Variants in RAP1GAP observed in about 807,000 individuals in gnomAD.
The protein encoded by RAP1GAP is rap1 GTPase-activating protein 1.
Under a neutral mutation model 87.2 loss-of-function variants are expected in RAP1GAP, and 35 were observed. The ratio of observed to expected loss-of-function variants is 0.40; its 90% confidence interval spans 0.31 to 0.53. RAP1GAP has a LOEUF of 0.53. Among genes scored for constraint, RAP1GAP ranks in the 20% least tolerant of loss-of-function variants. The pLI, the probability that RAP1GAP is intolerant of heterozygous loss-of-function variation, is 0.48. For synonymous variants in RAP1GAP, 375 were observed against 363.9 expected (o/e 1.03, Z -0.35); for missense variants, 734 against 898.9 (o/e 0.82, Z 2.35).
chr1:21,603,223 G>A lies in RAP1GAP; in HGVS notation c.1429-310C>T, dbSNP rs983347458. 3.5e-5 allele frequency: 14 copies of A among 403,080 alleles called. No individual in the cohort carries two copies. Among genetic ancestry groups the A allele is most frequent in the Admixed American group, 1.6e-4 (4 of 24,376 alleles). 25.0% of individuals were successfully genotyped at this position (403,080 alleles called of 1,614,324 possible). On this transcript the variant is annotated intron_variant, in intron 18 of 24. Coordinates refer to ENST00000374765, the MANE Select transcript of RAP1GAP (RefSeq NM_002885.4). The surrounding 1 kb of genome is among the most constrained non-coding windows in gnomAD (Gnocchi z 6.0). ...GTCCTCAGAATGGCTACCGCTCCCC[G>A]CCCCCCAGGGCTCTGTGGGATCTGC... is the stretch of plus-strand genomic sequence containing the variant.
chr1:21,644,063 T>C (rs2095798153), intron 2 of RAP1GAP, among the ~76,000 whole-genome samples: 1 of 152,156 alleles, frequency 6.6e-6, no homozygotes, highest in Non-Finnish European at 1.5e-5. Context: ...GGGGACCCAT[T>C]TCTCAAGATC....
At chr1:21,598,122 C>A in intron 22 of RAP1GAP, 58 bp from the exon 23 acceptor site, 1 of 1,191,582 alleles carries the variant, frequency 8.4e-7, no homozygotes, top group Non-Finnish European at 1.2e-6. Flanking sequence ...ACCAGGGAGA[C>A]GGGGGCATAG....
In RAP1GAP at chr1:21,613,304, G is replaced by A. The variant is rs2079634567; in HGVS notation, c.475-75C>T. 7.4e-7 allele frequency: 1 copy of A among 1,355,274 alleles called. No individual in the cohort carries two copies. The highest frequency in any genetic ancestry group is 1.7e-5 in the Admixed American group (1 of 59,204). 84.0% of individuals were successfully genotyped at this position (1,355,274 alleles called of 1,614,324 possible). On this transcript the variant is annotated intron_variant, in intron 9 of 24. Transcript: ENST00000374765. This position sits in a 1 kb window ranked among gnomAD's most constrained non-coding sequence, Gnocchi z 4.7. The stretch of plus-strand genomic sequence containing the variant: ...AGGATGGGGCTGCCTGGGCCTCCCT[G>A]GTCAAGGTCTGGGGAGGAGCCATGC...
In RAP1GAP at chr1:21,603,937, C is replaced by CAG. The variant is rs375356232; in HGVS notation, c.1429-1026_1429-1025dup. On this transcript the variant is annotated intron_variant, in intron 18 of 24. Transcript: ENST00000374765. This position sits in a 1 kb window ranked among gnomAD's most constrained non-coding sequence, Gnocchi z 6.0. Reference sequence around the variant, plus strand: ...ACTGGCAAGCAGCAGAGGGCGGGGGCAGAGAGAGAGAGACAGAGAGAGAGT... The same window carrying CAG: ...ACTGGCAAGCAGCAGAGGGCGGGGGCAGAGAGAGAGAGAGACAGAGAGAGAGT... 56 of 1,474,106 alleles carry CAG rather than the reference C, an allele frequency of 3.8e-5. No individual in the cohort carries two copies. The highest frequency in any genetic ancestry group is 3.7e-4 in the South Asian group (28 of 75,442). 91.3% of individuals were successfully genotyped at this position (1,474,106 alleles called of 1,614,324 possible). A position where few individuals can be genotyped will look rare whatever the true frequency, so the allele number is the denominator to read the frequency against.
rs540707047 is a variant in RAP1GAP at position 21,608,729 on chromosome 1, C to T, written c.1158+121G>A. ...CCTACTCGTCCATCAATCCATCCAG[C>T]CCCAGGTGTCCCCGCTAAGGCCAAG... On this transcript the variant is annotated intron_variant, in intron 16 of 24. Coordinates refer to ENST00000374765, the MANE Select transcript of RAP1GAP (RefSeq NM_002885.4). 65 of 965,986 alleles carry T rather than the reference C, an allele frequency of 6.7e-5. No individual in the cohort carries two copies. In the East Asian group the frequency reaches 1.4e-3, roughly 21 times the overall value. 59.8% of individuals were successfully genotyped at this position (965,986 alleles called of 1,614,324 possible). A position where few individuals can be genotyped will look rare whatever the true frequency, so the allele number is the denominator to read the frequency against.
rs756293286 is a variant in RAP1GAP at position 21,626,395 on chromosome 1, C to T, written c.-110G>A. The T allele has an allele frequency of 4.3e-6, 7 of 1,610,960 alleles. No individual in the cohort carries two copies. The highest frequency in any genetic ancestry group is 4.2e-6 in the Non-Finnish European group (5 of 1,177,444). On this transcript the variant is annotated splice_region_variant and 5_prime_UTR_variant, in exon 3 of 25. Coordinates refer to ENST00000374765, the MANE Select transcript of RAP1GAP (RefSeq NM_002885.4). ...GAAGTGCTGGTTCTGCCCATCGCTC[C>T]TCCTGGAAGAGAAAGAGTCTGAGGT...
intron 24 of RAP1GAP, 39 bp downstream of exon 24, chr1:21,597,647 C>CGTG: frequency 6.6e-7 from 1 of 1,525,916 alleles, no homozygotes; most frequent in Non-Finnish European, 9.0e-7. Flanking sequence ...ACACCCCCAC[C>CGTG]CTCTCCCACC....
chr1:21,623,223 A>AT (rs2089978373), intron 3 of RAP1GAP, among the ~76,000 whole-genome samples: 1 of 152,144 alleles, frequency 6.6e-6, no homozygotes, highest in African/African-American at 2.4e-5. Flanking sequence ...ACCCAAGTAG[A>AT]TTTTGGGACA....
At position 21,653,988 on chromosome 1, in the gene RAP1GAP, G is replaced by A. The variant is rs3767125; in HGVS notation, c.-148-4192C>T. Among the ~76,000 whole-genome samples, 86 of 152,084 alleles carry A rather than the reference G, an allele frequency of 5.7e-4. 1 individual carries two copies. The East Asian group carries it at 9.6e-3, about 17-fold the overall frequency. On this transcript the variant is annotated intron_variant, in intron 1 of 24. Coordinates refer to ENST00000374765, the MANE Select transcript of RAP1GAP (RefSeq NM_002885.4). ...ACTGGGACAGTGGGCCCTTGAGAGG[G>A]GCCATGGGGGCTGAAGGGTTCCCAC...
At chr1:21,601,405 G>T (rs905658853) in intron 20 of RAP1GAP, among the ~76,000 whole-genome samples, 5 of 152,188 alleles carry the variant, frequency 3.3e-5, no homozygotes, top group African/African-American at 9.7e-5. Flanking sequence ...CCATGATCCG[G>T]CAACAGCCTA....
intron 2 of RAP1GAP, among the ~76,000 whole-genome samples, chr1:21,641,332 A>G (rs114179029): frequency 1.4e-3 from 216 of 152,080 alleles, no homozygotes; most frequent in African/African-American, 4.9e-3. Flanking sequence ...GGGGCGGGGG[A>G]AGGAGTCCTA....
At chr1:21,624,642 CCA>C (rs1374785602) in intron 3 of RAP1GAP, among the ~76,000 whole-genome samples, 2 of 152,086 alleles carry the variant, frequency 1.3e-5, no homozygotes, top group Non-Finnish European at 2.9e-5. Flanking sequence ...GGAGGATGGT[CCA>C]CAGACTCTTG....
intron 2 of RAP1GAP, among the ~76,000 whole-genome samples, chr1:21,633,254 C>T (rs1391266983): frequency 6.6e-6 from 1 of 152,168 alleles, no homozygotes; most frequent in African/African-American, 2.4e-5. Context: ...GTGGGTCCAG[C>T]CCCTGCTGAC....
rs577564364 is a variant in RAP1GAP at position 21,614,809 on chromosome 1, C to T, written c.292-720G>A. 7.9e-5 allele frequency among the ~76,000 whole-genome samples: 12 copies of T among 152,264 alleles called. No homozygotes were observed. The South Asian group carries it at 2.1e-3, about 26-fold the overall frequency. The stretch of plus-strand genomic sequence containing the variant: ...AGGGAGACACCACCCAGCCTGGCCC[C>T]GGGCTCCTCCTGCCAACCTCAGCCC... On this transcript the variant is annotated intron_variant, in intron 7 of 24. Coordinates refer to ENST00000374765, the MANE Select transcript of RAP1GAP (RefSeq NM_002885.4).
In RAP1GAP at chr1:21,613,675, G is replaced by C. The variant is rs547037229; in HGVS notation, c.427C>G (p.Pro143Ala). Residue 143 changes from proline (P) to alanine (A), a missense_variant, in exon 9 of 25, where the codon CCC becomes GCC. Around this residue, in one of 2 missense-constraint regions of RAP1GAP, gnomAD observed 485 missense variants for 646.2 expected, o/e 0.75. Transcript: ENST00000374765. This position sits in a 1 kb window ranked among gnomAD's most constrained non-coding sequence, Gnocchi z 4.7. ...GGGAACTCGGTGAGGCAGGAGATGG[G>C]GATGACATCATGGTATGTCCGGCAC... ...TKCRTYHDVI[P>A]ISCLTEFPNV... The C allele has an allele frequency of 1.9e-6, 3 of 1,613,624 alleles. No homozygotes were observed. In the South Asian group the frequency reaches 3.3e-5, roughly 18 times the overall value.
chr1:21,647,570 G>GCTCCC (rs2096182282), intron 2 of RAP1GAP, among the ~76,000 whole-genome samples: 1 of 152,194 alleles, frequency 6.6e-6, no homozygotes, highest in Non-Finnish European at 1.5e-5. Flanking sequence ...GTCAGCTCCC[G>GCTCCC]GAAATGCCCT....
In RAP1GAP at chr1:21,627,418, T is replaced by C. The variant is rs1462298861; in HGVS notation, c.-112-1021A>G. Among the ~76,000 whole-genome samples the C allele has an allele frequency of 3.3e-5, 5 of 150,234 alleles. No homozygotes were observed. In the East Asian group the frequency reaches 9.7e-4, roughly 29 times the overall value. On this transcript the variant is annotated intron_variant, in intron 2 of 24. Transcript: ENST00000374765. ...GTGAGCCTCCCTTCTTCTTTTTTTT[T>C]TTTTTTTTTTTTTATGACAGAGTTT... is the stretch of plus-strand genomic sequence containing the variant.
intron 16 of RAP1GAP, 120 bp from the exon 17 acceptor site, chr1:21,608,470 G>C: frequency 3.0e-6 from 4 of 1,324,340 alleles, no homozygotes; most frequent in Non-Finnish European, 4.0e-6. Context: ...GGGGAGTGGG[G>C]AGGGCGGAGG....
chr1:21,636,390 T>C (rs2094666970), intron 2 of RAP1GAP, among the ~76,000 whole-genome samples: 1 of 152,274 alleles, frequency 6.6e-6, no homozygotes, highest in African/African-American at 2.4e-5. Flanking sequence ...GAGCATTTCT[T>C]GGCCTTCCCT....
Sources: allele counts gnomAD v4.1 joint callset (sites outside exome capture counted in the v4.1 genomes callset), GRCh38; gene constraint gnomAD v4.1.1; regional missense constraint gnomAD v4.1.1; non-coding constraint Gnocchi (gnomAD v3.1); transcripts MANE v1.5; gene names NCBI Gene and HGNC (gene_info 2026-07-23, HGNC 2026-07-21).